The following AGAP1 variants were observed in gnomAD, a reference collection of about 807,000 sequenced individuals.
The protein encoded by AGAP1 is arf-GAP with GTPase, ANK repeat and PH domain-containing protein 1.
Under a neutral mutation model 105.3 loss-of-function variants are expected in AGAP1, and 29 were observed. The ratio of observed to expected loss-of-function variants is 0.28; its 90% confidence interval spans 0.21 to 0.38. The LOEUF is 0.38. Ranked by LOEUF, AGAP1 falls within the 10% of genes least tolerant of loss-of-function variation. The pLI is 1.00. For missense variants in AGAP1, 998 were observed against 1,165.1 expected, an observed-to-expected ratio of 0.86 and a Z score of 2.09; for synonymous variants, 509 against 485.9, an observed-to-expected ratio of 1.05 and a Z score of -0.63.
intron 8 of AGAP1, among the ~76,000 whole-genome samples, chr2:235,800,763 T>C (rs1354729621): frequency 1.3e-5 from 2 of 152,130 alleles, no homozygotes; most frequent in African/African-American, 4.8e-5. Flanking sequence ...TCTGCAGACG[T>C]CTAGTCGTGG....
At chr2:235,823,713 C>T (rs888397557) in intron 9 of AGAP1, among the ~76,000 whole-genome samples, 18 of 152,174 alleles carry the variant, frequency 1.2e-4, no homozygotes, top group Non-Finnish European at 7.3e-5. Context: ...TGTATTGCGA[C>T]TGGTCAGCTT....
intron 1 of AGAP1, among the ~76,000 whole-genome samples, chr2:235,518,079 A>G (rs527799349): frequency 1.3e-5 from 2 of 152,344 alleles, no homozygotes; most frequent in East Asian, 3.9e-4. Context: ...GGTGCAGCGC[A>G]GGGACCCTAA....
In AGAP1 at chr2:235,906,668, C is replaced by G. The variant is rs574546054; in HGVS notation, c.1156-2070C>G. On this transcript the variant is annotated intron_variant, in intron 10 of 17. Coordinates refer to ENST00000304032, the MANE Select transcript of AGAP1 (RefSeq NM_001037131.3). The surrounding 1 kb of genome is among the most constrained non-coding windows in gnomAD (Gnocchi z 5.3). ...GCGGGAAGGTCTACATTGTCACACC[C>G]CAGGCTCACCCACCTGACCATGGTT... 2.7e-5 allele frequency among the ~76,000 whole-genome samples: 4 copies of G among 150,558 alleles called. No individual in the cohort carries two copies. The East Asian group carries it at 7.7e-4, about 29-fold the overall frequency.
chr2:235,499,050 C>T (rs1033314459), intron 1 of AGAP1, among the ~76,000 whole-genome samples: 5 of 152,216 alleles, frequency 3.3e-5, no homozygotes, highest in African/African-American at 1.2e-4. Context: ...GGTGCATCAT[C>T]TCAGTTCGTC....
At chr2:236,084,502 A>G (rs2125846349) in intron 16 of AGAP1, among the ~76,000 whole-genome samples, 1 of 152,358 alleles carries the variant, frequency 6.6e-6, no homozygotes, top group African/African-American at 2.4e-5. Flanking sequence ...GGATGCAAAC[A>G]AAAAATTAAT....
chr2:235,885,827 G>T (rs948452737), intron 10 of AGAP1, among the ~76,000 whole-genome samples: 4 of 152,226 alleles, frequency 2.6e-5, no homozygotes, highest in Non-Finnish European at 5.9e-5. Context: ...TTACTATTCA[G>T]TGGGATTCGA....
Position 235,576,108 on chromosome 2 carries a change from GC to G in AGAP1, c.163+81262del, listed in dbSNP as rs1254863260. ...TGTGGGTGATTTGTCGCTCCCCAGA[GC>G]CCGGTTGCAACAGGAGGAGCCACCA... On this transcript the variant is annotated intron_variant, in intron 1 of 17. Transcript: ENST00000304032. 4.6e-5 allele frequency among the ~76,000 whole-genome samples: 7 copies of G among 152,274 alleles called. No individual in the cohort carries two copies. In the East Asian group the frequency reaches 1.4e-3, roughly 29 times the overall value.
At chr2:235,640,349 C>T (rs1208513760) in intron 1 of AGAP1, among the ~76,000 whole-genome samples, 1 of 152,244 alleles carries the variant, frequency 6.6e-6, no homozygotes, top group Admixed American at 6.5e-5. Context: ...AGAAAAGGTG[C>T]TGTTCCTTCC....
At position 235,887,799 on chromosome 2, in the gene AGAP1, C is replaced by A. The variant is rs1324030853; in HGVS notation, c.1155+4350C>A. ...TTAAGAAGCCCAGGTAATTAGTGGA[C>A]TAAAAAGGAAACTAGCATGCTTTTG... On this transcript the variant is annotated intron_variant, in intron 10 of 17. Coordinates refer to ENST00000304032, the MANE Select transcript of AGAP1 (RefSeq NM_001037131.3). This position sits in a 1 kb window ranked among gnomAD's most constrained non-coding sequence, Gnocchi z 4.1. Among the ~76,000 whole-genome samples the A allele has an allele frequency of 6.6e-6, 1 of 152,182 alleles. No homozygotes were observed. Among genetic ancestry groups the A allele is most frequent in the Non-Finnish European group, 1.5e-5 (1 of 68,032 alleles).
At position 235,737,027 on chromosome 2, in the gene AGAP1, A is replaced by G. The variant is rs972114478; in HGVS notation, c.311-3936A>G. On this transcript the variant is annotated intron_variant, in intron 3 of 17. Transcript: ENST00000304032. This position sits in a 1 kb window ranked among gnomAD's most constrained non-coding sequence, Gnocchi z 4.5. The stretch of plus-strand genomic sequence containing the variant: ...GGTTAAAGTGGTTCAAGTGTAGAAA[A>G]TGAATTTTAAAGTGTTACCTACCTG... Among the ~76,000 whole-genome samples the G allele has an allele frequency of 6.6e-6, 1 of 152,164 alleles. No individual in the cohort carries two copies. The highest frequency in any genetic ancestry group is 1.5e-5 in the Non-Finnish European group (1 of 68,028).
At chr2:235,868,258 C>CT (rs1481878355) in intron 9 of AGAP1, among the ~76,000 whole-genome samples, 1 of 151,518 alleles carries the variant, frequency 6.6e-6, no homozygotes, top group Non-Finnish European at 1.5e-5. Flanking sequence ...CCAGAAAAAA[C>CT]TTTTTTTAAA....
chr2:235,940,678 T>C lies in AGAP1; in HGVS notation c.1483+9755T>C, dbSNP rs76452097. Among the ~76,000 whole-genome samples, 1,018 of 152,376 alleles carry C rather than the reference T, an allele frequency of 6.7e-3. 8 individuals carry two copies. Among genetic ancestry groups the C allele is most frequent in the African/African-American group, 0.022 (934 of 41,598 alleles). On this transcript the variant is annotated intron_variant, in intron 12 of 17. Transcript: ENST00000304032. ...TACTCTGGACACATTCTTGTTCGAC[T>C]CCTACCCAGTCACAAGTGGTCATCC...
chr2:235,995,065 C>CAAA (rs58097220), intron 13 of AGAP1, among the ~76,000 whole-genome samples: 22 of 60,964 alleles, frequency 3.6e-4, no homozygotes, highest in Admixed American at 1.4e-3. Context: ...GACTCTGTCT[C>CAAA]AAAAAAAAAA....
Position 236,120,829 on chromosome 2 carries a change from A to C in AGAP1, c.2370+382A>C, listed in dbSNP as rs2059880874. Among the ~76,000 whole-genome samples the C allele has an allele frequency of 1.3e-5, 2 of 152,210 alleles. No individual in the cohort carries two copies. The highest frequency in any genetic ancestry group is 4.8e-5 in the African/African-American group (2 of 41,446). On this transcript the variant is annotated intron_variant, in intron 17 of 17. Transcript: ENST00000304032. This position sits in a 1 kb window ranked among gnomAD's most constrained non-coding sequence, Gnocchi z 6.0. ...CTTAACACAGAAATACTGGACCCTA[A>C]ACTTTGAGGTCTGATGTGGCAGGAG...
chr2:235,519,942 C>T (rs1272934741), intron 1 of AGAP1, among the ~76,000 whole-genome samples: 1 of 152,116 alleles, frequency 6.6e-6, no homozygotes, highest in African/African-American at 2.4e-5. Context: ...ACCACCACAC[C>T]TGGCTAATTT....
rs956052470 is a variant in AGAP1, at chr2:235,964,666, G to A, written c.1484-3796G>A. Among the ~76,000 whole-genome samples the A allele has an allele frequency of 1.3e-5, 2 of 151,818 alleles. No homozygotes were observed. Among genetic ancestry groups the A allele is most frequent in the African/African-American group, 2.4e-5 (1 of 41,304 alleles). ...TCATAAATAAAAATTAATTAGGCTC[G>A]CCCTTTTTTTTCCAAGATATCTATA... On this transcript the variant is annotated intron_variant, in intron 12 of 17. Transcript: ENST00000304032. The surrounding 1 kb of genome is among the most constrained non-coding windows in gnomAD (Gnocchi z 4.6).
chr2:235,808,344 G>A (rs145057069), intron 9 of AGAP1, among the ~76,000 whole-genome samples: 304 of 152,328 alleles, frequency 2.0e-3, no homozygotes, highest in African/African-American at 6.9e-3. Context: ...TAGGAACTGT[G>A]TAGGCACTGG....
Position 235,665,541 on chromosome 2 carries a change from C to A in AGAP1, c.164-43638C>A, listed in dbSNP as rs1948099204. Among the ~76,000 whole-genome samples the A allele has an allele frequency of 6.6e-6, 1 of 152,204 alleles. No individual in the cohort carries two copies. The highest frequency in any genetic ancestry group is 2.1e-4 in the South Asian group (1 of 4,824). ...CTAGAAGCTGAGCATCATGGCAAAT[C>A]TTAGCTTAGAAACCATTCTACCATG... On this transcript the variant is annotated intron_variant, in intron 1 of 17. Transcript: ENST00000304032. This position sits in a 1 kb window ranked among gnomAD's most constrained non-coding sequence, Gnocchi z 5.3.
rs1177368528 is a variant in AGAP1 at position 235,906,150 on chromosome 2, AAAATG to A, written c.1156-2582_1156-2578del. Among the ~76,000 whole-genome samples the A allele has an allele frequency of 6.6e-6, 1 of 152,166 alleles. No individual in the cohort carries two copies. Among genetic ancestry groups the A allele is most frequent in the Non-Finnish European group, 1.5e-5 (1 of 68,044 alleles). On this transcript the variant is annotated intron_variant, in intron 10 of 17. Transcript: ENST00000304032. The surrounding 1 kb of genome is among the most constrained non-coding windows in gnomAD (Gnocchi z 5.3). ...GGCCATCCTCCCTGAGCCACCCTGT[AAAATG>A]AAATGGCCAGTCACCAGCCTCGGGT...
Sources: gnomAD v4.1 joint callset for allele counts (sites outside exome capture counted in the v4.1 genomes callset) on GRCh38, gnomAD v4.1.1 for gene constraint, Gnocchi (gnomAD v3.1) non-coding constraint, MANE v1.5 for transcripts, NCBI Gene and HGNC (gene_info 2026-07-23, HGNC 2026-07-21) for gene names.